MAN2B1: variants seen among roughly 807,000 people sequenced by gnomAD.
The protein encoded by MAN2B1 is lysosomal alpha-mannosidase.
A neutral mutation model predicts 127.5 loss-of-function variants in MAN2B1; 99 were observed. That is an observed-to-expected ratio of 0.78 (90% confidence interval 0.66 to 0.92). The LOEUF (loss-of-function observed/expected upper bound fraction) is 0.92. Ranked by LOEUF, MAN2B1 falls within the 40% of genes least tolerant of loss-of-function variation. The probability of loss-of-function intolerance (pLI) is 0.00; values close to 1 mark genes in which losing one functional copy is unlikely to be tolerated. For synonymous variants in MAN2B1, 573 were observed against 568.8 expected (o/e 1.01, Z -0.11); for missense variants, 1,304 against 1,384.8 (o/e 0.94, Z 0.93).
intron 3 of MAN2B1, 166 bp from the exon 4 acceptor site, chr19:12,665,151 G>A: frequency 9.9e-7 from 1 of 1,014,560 alleles, no homozygotes; most frequent in Non-Finnish European, 1.5e-6. Flanking sequence ...GAGGCCCCCT[G>A]CATGGCAGGC....
rs1291846218 is a variant in MAN2B1, at chr19:12,647,590, C to T, written c.2673G>A (p.Gly891=). ...LGAPPRTQFS[G]LRRDLPPSVH... The stretch of plus-strand genomic sequence containing the variant: ...CCGAGGGCGGCAGGTCCCTGCGCAG[C>T]CCTGAGAACTGCGGGAGAGAGGGCG... The change falls in exon 22 of 24, where the codon GGG becomes GGA. Residue 891 remains glycine (G), a synonymous_variant. Coordinates refer to ENST00000456935, the MANE Select transcript of MAN2B1 (RefSeq NM_000528.4). This position sits in a 1 kb window ranked among gnomAD's most constrained non-coding sequence, Gnocchi z 4.9. 1 of 1,612,818 alleles carries T rather than the reference C, an allele frequency of 6.2e-7. No homozygotes were observed. Among genetic ancestry groups the T allele is most frequent in the African/African-American group, 1.3e-5 (1 of 74,904 alleles).
Position 12,647,347 on chromosome 19 carries a change from G to A in MAN2B1, c.2821-12C>T, listed in dbSNP as rs1248363467. On this transcript the variant is annotated splice_polypyrimidine_tract_variant and intron_variant, in intron 22 of 23. Coordinates refer to ENST00000456935, the MANE Select transcript of MAN2B1 (RefSeq NM_000528.4). The surrounding 1 kb of genome is among the most constrained non-coding windows in gnomAD (Gnocchi z 4.9). The stretch of plus-strand genomic sequence containing the variant: ...GTGGAGAACAGGTCCTGCGGGGAAG[G>A]GGATGGGCCCAGATGAGTTGGGGCA... The A allele has an allele frequency of 6.2e-7, 1 of 1,613,246 alleles. No individual in the cohort carries two copies. Among genetic ancestry groups the A allele is most frequent in the African/African-American group, 1.3e-5 (1 of 74,904 alleles).
Position 12,647,392 on chromosome 19 carries a change from T to C in MAN2B1, c.2820+51A>G, listed in dbSNP as rs1447123389. ...GGGGCAAAGCCAGGTTTCTCTTCTC[T>C]CCCTCTCTCTTGCCTCTCTCCGATC... On this transcript the variant is annotated intron_variant, in intron 22 of 23. Transcript: ENST00000456935. This position sits in a 1 kb window ranked among gnomAD's most constrained non-coding sequence, Gnocchi z 4.9. 1 of 1,612,110 alleles carries C rather than the reference T, an allele frequency of 6.2e-7. No individual in the cohort carries two copies. The highest frequency in any genetic ancestry group is 1.3e-5 in the African/African-American group (1 of 74,884).
chr19:12,656,799 GC>G, intron 12 of MAN2B1, 112 bp from the exon 13 acceptor site: 1 of 1,068,372 alleles, frequency 9.4e-7, no homozygotes, highest in Non-Finnish European at 1.5e-6. Context: ...GGCACTTAAG[GC>G]CAAGCCCCCT....
intron 14 of MAN2B1, 137 bp downstream of exon 14, chr19:12,655,557 C>A (rs1364228214): frequency 1.5e-5 from 13 of 880,328 alleles, no homozygotes; most frequent in African/African-American, 1.0e-4. Flanking sequence ...AGGTCACTTG[C>A]TCAAGGACAC....
At position 12,657,677 on chromosome 19, in the gene MAN2B1, G is replaced by A. The variant is rs758108616; in HGVS notation, c.1310-122C>T. On this transcript the variant is annotated intron_variant, in intron 10 of 23. Transcript: ENST00000456935. ...AGGCTTTAAGAAGGAACTCGAGGACGGCTGGGGGCGGTGGCTCACGCCTGT... is the reference window on the plus strand; with the variant it reads ...AGGCTTTAAGAAGGAACTCGAGGACAGCTGGGGGCGGTGGCTCACGCCTGT... The A allele has an allele frequency of 1.1e-5, 10 of 882,366 alleles. No homozygotes were observed. In the Admixed American group the frequency reaches 1.4e-4, roughly 12 times the overall value. The allele number at this position is 882,366 out of a possible 1,614,324, so 54.7% of individuals were successfully genotyped here.
At chr19:12,655,985 G>A (rs2023945049) in intron 13 of MAN2B1, 106 bp from the exon 14 acceptor site, 8 of 835,874 alleles carry the variant, frequency 9.6e-6, no homozygotes, top group Non-Finnish European at 1.6e-5. Context: ...GATGGGGAAA[G>A]GAAATGGAGG....
chr19:12,661,990 G>A (rs1179896749), intron 6 of MAN2B1, among the ~76,000 whole-genome samples: 9 of 151,990 alleles, frequency 5.9e-5, no homozygotes, highest in Admixed American at 1.3e-4. Context: ...GATTACAGGC[G>A]TGCGCCACCA....
In MAN2B1 at chr19:12,655,728, C is replaced by G; in HGVS notation, c.1796G>C (p.Arg599Thr). ...QARAPQPIPRRSWSPALTIEN... is the reference protein window; with the variant it reads ...QARAPQPIPRTSWSPALTIEN... The stretch of plus-strand genomic sequence containing the variant: ...GATGGTTAAAGCAGGGGACCAGGAT[C>G]TTCTGGGGATGGGCTGTGGTGCGCG... Residue 599 changes from arginine to threonine, a missense_variant, in exon 14 of 24, where the codon AGA becomes ACA. By Grantham distance (71) the Arg-to-Thr change is moderately conservative. Coordinates refer to ENST00000456935, the MANE Select transcript of MAN2B1 (RefSeq NM_000528.4). 6.2e-7 allele frequency: 1 copy of G among 1,609,220 alleles called. No homozygotes were observed. The highest frequency in any genetic ancestry group is 8.5e-7 in the Non-Finnish European group (1 of 1,176,594).
chr19:12,663,427 G>C lies in MAN2B1; in HGVS notation c.799C>G (p.Leu267Val). Residue 267 changes from leucine (L) to valine (V), a missense_variant, in exon 6 of 24, where the codon CTG becomes GTG. By Grantham distance (32) the Leu-to-Val change is conservative. Coordinates refer to ENST00000456935, the MANE Select transcript of MAN2B1 (RefSeq NM_000528.4). Reference sequence around the variant, plus strand: ...TCGACACACAGCACATCCCAGCACAGATTCCTTGGCGGGTTGTAACCATTG... The same window carrying C: ...TCGACACACAGCACATCCCAGCACACATTCCTTGGCGGGTTGTAACCATTG... Reference protein sequence around the residue: ...LPNGYNPPRNLCWDVLCVDQP... With the variant: ...LPNGYNPPRNVCWDVLCVDQP... 6.2e-7 allele frequency: 1 copy of C among 1,614,124 alleles called. No individual in the cohort carries two copies. The highest frequency in any genetic ancestry group is 8.5e-7 in the Non-Finnish European group (1 of 1,179,972).
chr19:12,659,287 G>A (rs1403884217), intron 7 of MAN2B1, among the ~76,000 whole-genome samples: 4 of 149,500 alleles, frequency 2.7e-5, no homozygotes, highest in Non-Finnish European at 4.4e-5. Context: ...CACAGTAGGT[G>A]CTCAATAAAC....
chr19:12,647,286 A>G lies in MAN2B1; in HGVS notation c.2870T>C (p.Val957Ala), dbSNP rs746571094. The change falls in exon 23 of 24, where the codon GTG becomes GCG. Residue 957 changes from valine to alanine, a missense_variant. Physicochemically the swap from Val to Ala is moderately conservative, Grantham distance 64. Coordinates refer to ENST00000456935, the MANE Select transcript of MAN2B1 (RefSeq NM_000528.4). The surrounding 1 kb of genome is among the most constrained non-coding windows in gnomAD (Gnocchi z 4.9). ...TITRLQETTLVANQLREAASR... is the reference protein window; with the variant it reads ...TITRLQETTLAANQLREAASR... ...GGCTGCCTCGCGGAGCTGGTTGGCC[A>G]CCAGCGTGGTCTCCTGCAGGCGGGT... is the stretch of plus-strand genomic sequence containing the variant. The G allele has an allele frequency of 5.0e-6, 8 of 1,614,128 alleles. No homozygotes were observed. The highest frequency in any genetic ancestry group is 5.9e-6 in the Non-Finnish European group (7 of 1,180,026).
intron 20 of MAN2B1, 37 bp from the exon 21 acceptor site, chr19:12,648,439 G>T: frequency 6.6e-7 from 1 of 1,507,860 alleles, no homozygotes. Context: ...TGAGAGTCGT[G>T]GGTTTGTGGG....
intron 4 of MAN2B1, among the ~76,000 whole-genome samples, chr19:12,664,150 C>A (rs1458366928): frequency 1.3e-5 from 2 of 152,078 alleles, no homozygotes; most frequent in East Asian, 3.9e-4. Context: ...CGCTTGAATC[C>A]GGGAGATTGA....
rs1346962091 is a variant in MAN2B1, at chr19:12,664,936, G to A, written c.486C>T (p.Ala162=). The A allele has an allele frequency of 6.2e-7, 1 of 1,614,140 alleles. No homozygotes were observed. The highest frequency in any genetic ancestry group is 1.7e-5 in the Admixed American group (1 of 60,026). The change falls in exon 4 of 24, where the codon GCC becomes GCT. Residue 162 remains alanine (A), a synonymous_variant. Coordinates refer to ENST00000456935, the MANE Select transcript of MAN2B1 (RefSeq NM_000528.4). ...GGTCCACGATGGCACCGTAGTGGGTGGCTGCCTCATCGTTCATCACCCAGC... is the reference window on the plus strand; with the variant it reads ...GGTCCACGATGGCACCGTAGTGGGTAGCTGCCTCATCGTTCATCACCCAGC... ...NGGWVMNDEA[A]THYGAIVDQM...
intron 13 of MAN2B1, chr19:12,656,153 A>G: frequency 2.3e-6 from 1 of 443,002 alleles, no homozygotes; most frequent in Non-Finnish European, 4.1e-6. Context: ...TTCTCGGGGG[A>G]GGAAGAGGTT....
rs755508725 is a variant in MAN2B1, at chr19:12,656,993, G to T, written c.1483C>A (p.Gln495Lys). 6.2e-7 allele frequency: 1 copy of T among 1,613,700 alleles called. No homozygotes were observed. The highest frequency in any genetic ancestry group is 2.2e-5 in the East Asian group (1 of 44,868). ...AGCGGGCAGATGCTGATGTTTAGCTGTTGGCAAAAGGTGAAGTGATCTTTG... is the reference window on the plus strand; with the variant it reads ...AGCGGGCAGATGCTGATGTTTAGCTTTTGGCAAAAGGTGAAGTGATCTTTG... ...GFKDHFTFCQ[Q>K]LNISICPLSQ... Residue 495 changes from glutamine (Q) to lysine (K), a missense_variant, in exon 12 of 24, where the codon CAG (glutamine) becomes AAG (lysine). Transcript: ENST00000456935.
intron 21 of MAN2B1, 62 bp downstream of exon 21, chr19:12,648,113 C>T (rs2023738511): frequency 6.1e-6 from 9 of 1,470,460 alleles, no homozygotes; most frequent in Middle Eastern, 2.4e-4. Context: ...AACTCCGCAC[C>T]CAAACCCGGC....
Position 12,647,879 on chromosome 19 carries a change from T to G in MAN2B1, c.2665-281A>C, listed in dbSNP as rs1055891077. 6.4e-5 allele frequency among the ~76,000 whole-genome samples: 8 copies of G among 125,680 alleles called. No individual in the cohort carries two copies. Among genetic ancestry groups the G allele is most frequent in the South Asian group, 5.0e-4 (2 of 3,982 alleles). The allele number at this position is 125,680 out of a possible 152,430, so 82.5% of individuals were successfully genotyped here. On this transcript the variant is annotated intron_variant, in intron 21 of 23. Coordinates refer to ENST00000456935, the MANE Select transcript of MAN2B1 (RefSeq NM_000528.4). The surrounding 1 kb of genome is among the most constrained non-coding windows in gnomAD (Gnocchi z 4.9). Reference sequence around the variant, plus strand: ...GCGGGGCTGAAGCCGCGGGGCTGGGTGAGGCAGGACAGAGCCTGGGGGCGG... The same window carrying G: ...GCGGGGCTGAAGCCGCGGGGCTGGGGGAGGCAGGACAGAGCCTGGGGGCGG...
Sources: allele counts gnomAD v4.1 joint callset (sites outside exome capture counted in the v4.1 genomes callset), GRCh38; gene constraint gnomAD v4.1.1; non-coding constraint Gnocchi (gnomAD v3.1); transcripts MANE v1.5; gene names NCBI Gene and HGNC (gene_info 2026-07-23, HGNC 2026-07-21).